The following HSD17B4 variants were observed in gnomAD, a reference collection of about 807,000 sequenced individuals.
HSD17B4 encodes peroxisomal multifunctional enzyme type 2.
HSD17B4 carries 70 observed loss-of-function variants against 101.0 expected under a neutral mutation model. That is an observed-to-expected ratio of 0.69 (90% CI 0.57 to 0.85). The LOEUF (loss-of-function observed/expected upper bound fraction) is 0.85. HSD17B4 is among the 40% of genes least tolerant of loss of function. The pLI, the probability that HSD17B4 is intolerant of heterozygous loss-of-function variation, is 0.00. For missense variants in HSD17B4, 984 were observed against 892.4 expected, an observed-to-expected ratio of 1.10 and a Z score of -1.31; for synonymous variants, 347 against 297.1, an observed-to-expected ratio of 1.17 and a Z score of -1.73.
rs550874558 is a variant in HSD17B4 at position 119,498,813 on chromosome 5, G to A, written c.973-504G>A. On this transcript the variant is annotated intron_variant, in intron 12 of 23. Coordinates refer to ENST00000510025, the MANE Select transcript of HSD17B4 (RefSeq NM_000414.4). ...GAGAATTGCATGAACCTGAGAGGCA[G>A]AGGTTGCAGTGAGCCAAGATCATGC... Among the ~76,000 whole-genome samples, 5 of 152,322 alleles carry A rather than the reference G, an allele frequency of 3.3e-5. No individual in the cohort carries two copies. The East Asian group carries it at 7.7e-4, about 23-fold the overall frequency.
intron 2 of HSD17B4, among the ~76,000 whole-genome samples, chr5:119,459,832 G>T (rs1755034460): frequency 1.3e-5 from 2 of 151,582 alleles, no homozygotes; most frequent in South Asian, 4.1e-4. Flanking sequence ...TATAAGGGCA[G>T]AGCCCTCACA....
Position 119,509,198 on chromosome 5 carries a change from T to C in HSD17B4, c.1391T>C (p.Val464Ala). 6.2e-7 allele frequency: 1 copy of C among 1,611,642 alleles called. No individual in the cohort carries two copies. Among genetic ancestry groups the C allele is most frequent in the Non-Finnish European group, 8.5e-7 (1 of 1,177,706 alleles). ...ICHNQFSLFL[V>A]GSGGFGGKRT... ...CACAATCAGTTCTCTCTCTTTCTTG[T>C]TGGCTCTGGAGGCTTTGGTGGAAAA... Residue 464 changes from valine (V) to alanine (A), a missense_variant, in exon 16 of 24, where the codon GTT becomes GCT. By Grantham distance (64) the Val-to-Ala change is moderately conservative. Transcript: ENST00000510025.
intron 21 of HSD17B4, 151 bp downstream of exon 21, chr5:119,530,131 G>A (rs1753937694): frequency 6.1e-6 from 4 of 655,422 alleles, no homozygotes; most frequent in Non-Finnish European, 1.1e-5. Flanking sequence ...AAAACAGCTT[G>A]GAATAGAAGG....
At chr5:119,507,529 A>G (rs1440324662) in intron 15 of HSD17B4, among the ~76,000 whole-genome samples, 2 of 152,178 alleles carry the variant, frequency 1.3e-5, no homozygotes, top group East Asian at 3.8e-4. Context: ...CACGCCTGTA[A>G]TCCTAGCACT....
chr5:119,479,524 G>A (rs1304158688), intron 8 of HSD17B4, among the ~76,000 whole-genome samples: 1 of 152,072 alleles, frequency 6.6e-6, no homozygotes, highest in African/African-American at 2.4e-5. Context: ...CCTTTGTGTT[G>A]TACAAATGTA....
At chr5:119,459,730 CTCT>C (rs1338225621) in intron 2 of HSD17B4, among the ~76,000 whole-genome samples, 1 of 152,126 alleles carries the variant, frequency 6.6e-6, no homozygotes, top group African/African-American at 2.4e-5. Context: ...GTCTCTTTTC[CTCT>C]TCTTATAAAG....
At chr5:119,541,462 T>C (rs968441873) in intron 23 of HSD17B4, among the ~76,000 whole-genome samples, 2 of 152,220 alleles carry the variant, frequency 1.3e-5, no homozygotes, top group African/African-American at 4.8e-5. Flanking sequence ...CTATTCAACA[T>C]TGTGTTATAT....
intron 17 of HSD17B4, among the ~76,000 whole-genome samples, chr5:119,517,216 C>T (rs1416144653): frequency 3.9e-5 from 6 of 152,228 alleles, no homozygotes; most frequent in Non-Finnish European, 7.4e-5. Flanking sequence ...GCCGGCCCTG[C>T]TGGCCCCGGG....
rs534172288 is a variant in HSD17B4 at position 119,489,287 on chromosome 5, T to C, written c.714+4T>C. 4.4e-6 allele frequency: 7 copies of C among 1,596,388 alleles called. 1 individual carries two copies. The South Asian group carries it at 7.7e-5, about 18-fold the overall frequency. ...GGAGAATGGTGGCTTGTTTGAGGTA[T>C]TTGCACCTTCCTGTTTTCTCTTATT... is the stretch of plus-strand genomic sequence containing the variant. On this transcript the variant is annotated splice_donor_region_variant and intron_variant, in intron 9 of 23. Coordinates refer to ENST00000510025, the MANE Select transcript of HSD17B4 (RefSeq NM_000414.4).
chr5:119,454,931 T>G (rs549064566), intron 1 of HSD17B4, among the ~76,000 whole-genome samples: 1 of 152,302 alleles, frequency 6.6e-6, no homozygotes, highest in African/African-American at 2.4e-5. Context: ...CTTGGGTTGT[T>G]TTTGGAAGGG....
chr5:119,514,329 T>C (rs1580666492), intron 16 of HSD17B4, among the ~76,000 whole-genome samples: 1 of 152,228 alleles, frequency 6.6e-6, no homozygotes, highest in East Asian at 1.9e-4. Flanking sequence ...AAGCTTACTT[T>C]GTTGTGGAAA....
chr5:119,502,481 G>C (rs1003844251), intron 14 of HSD17B4, among the ~76,000 whole-genome samples: 8 of 151,540 alleles, frequency 5.3e-5, no homozygotes, highest in Non-Finnish European at 1.2e-4. Flanking sequence ...AAAAGATACA[G>C]AATTTCTTGT....
At chr5:119,503,075 A>AT (rs1450468525) in intron 14 of HSD17B4, among the ~76,000 whole-genome samples, 4 of 117,356 alleles carry the variant, frequency 3.4e-5, no homozygotes, top group African/African-American at 1.5e-4. Context: ...AACCTTGGAA[A>AT]TTGTGTGTGT....
intron 17 of HSD17B4, among the ~76,000 whole-genome samples, chr5:119,519,916 C>T (rs1044581672): frequency 1.2e-4 from 19 of 152,166 alleles, no homozygotes; most frequent in Non-Finnish European, 2.5e-4. Context: ...ATCCTCTGGT[C>T]TCATAATCTG....
At chr5:119,485,242 G>A (rs780336206) in intron 8 of HSD17B4, among the ~76,000 whole-genome samples, 29 of 152,026 alleles carry the variant, frequency 1.9e-4, no homozygotes, top group Non-Finnish European at 3.1e-4. Context: ...GAAGCCGTAC[G>A]TTTTCAAGAA....
At chr5:119,520,677 C>T (rs1753038733) in intron 17 of HSD17B4, among the ~76,000 whole-genome samples, 1 of 152,040 alleles carries the variant, frequency 6.6e-6, no homozygotes, top group South Asian at 2.1e-4. Context: ...CAGTGGTAAC[C>T]CCCACCTTTT....
intron 21 of HSD17B4, 134 bp from the exon 22 acceptor site, chr5:119,531,130 AAG>A: frequency 1.3e-6 from 1 of 775,824 alleles, no homozygotes; most frequent in Non-Finnish European, 2.2e-6. Context: ...GAAAGTATGA[AAG>A]ACACATTGTA....
intron 18 of HSD17B4, chr5:119,525,650 G>A: frequency 1.9e-6 from 1 of 530,954 alleles, no homozygotes; most frequent in Non-Finnish European, 3.4e-6. Flanking sequence ...TGATTTCATG[G>A]TTACAACCAA....
At chr5:119,531,166 G>T (rs1192089973) in intron 21 of HSD17B4, 100 bp from the exon 22 acceptor site, 2 of 1,185,532 alleles carry the variant, frequency 1.7e-6, no homozygotes, top group Non-Finnish European at 2.5e-6. Flanking sequence ...CTTATGTACA[G>T]AGTTTTAAAA....
Sources: gnomAD v4.1 joint callset for allele counts (sites outside exome capture counted in the v4.1 genomes callset) on GRCh38, gnomAD v4.1.1 for gene constraint, MANE v1.5 for transcripts, NCBI Gene and HGNC (gene_info 2026-07-23, HGNC 2026-07-21) for gene names.